Variants in CEP112 observed in about 807,000 individuals in gnomAD.
The protein encoded by CEP112 is centrosomal protein 112.
A neutral mutation model predicts 153.0 loss-of-function variants in CEP112; 127 were observed. The ratio of observed to expected loss-of-function variants is 0.83; its 90% CI spans 0.72 to 0.96. CEP112 has a LOEUF of 0.96. CEP112 is among the 40% of genes least tolerant of loss of function. The probability of loss-of-function intolerance (pLI) is 0.00; values close to 1 mark genes in which losing one functional copy is unlikely to be tolerated. For missense variants in CEP112, 1,089 were observed against 1,101.2 expected (o/e 0.99, Z 0.16); for synonymous variants, 358 against 374.4 (o/e 0.96, Z 0.51).
At chr17:65,748,962 G>A (rs555393911) in intron 22 of CEP112, among the ~76,000 whole-genome samples, 3 of 152,262 alleles carry the variant, frequency 2.0e-5, no homozygotes, top group African/African-American at 7.2e-5. Flanking sequence ...GAAATAAGCA[G>A]GATGTTAGGA....
At chr17:66,183,367 G>T (rs868706956) in intron 1 of CEP112, 60 bp from the exon 2 acceptor site, 2 of 1,170,138 alleles carry the variant, frequency 1.7e-6, no homozygotes, top group South Asian at 1.4e-5. Flanking sequence ...ACAAAACTCT[G>T]ATGAGAAAGA....
chr17:66,051,061 C>T (rs1213191201), intron 12 of CEP112, among the ~76,000 whole-genome samples: 1 of 152,048 alleles, frequency 6.6e-6, no homozygotes, highest in African/African-American at 2.4e-5. Context: ...CTCACTGCAA[C>T]CTTGACCTAA....
chr17:65,679,317 A>C (rs953465167), intron 24 of CEP112, among the ~76,000 whole-genome samples: 25 of 151,884 alleles, frequency 1.6e-4, no homozygotes, highest in African/African-American at 5.6e-4. Flanking sequence ...CATGGGAACA[A>C]AAGAATTAGT....
chr17:65,942,209 C>G (rs1188465763), intron 18 of CEP112, among the ~76,000 whole-genome samples: 2 of 152,024 alleles, frequency 1.3e-5, no homozygotes, highest in Non-Finnish European at 2.9e-5. Flanking sequence ...AGCGTGAACC[C>G]TATTGTGAAC....
intron 21 of CEP112, among the ~76,000 whole-genome samples, chr17:65,836,167 T>C: frequency 6.6e-6 from 1 of 152,096 alleles, no homozygotes; most frequent in East Asian, 1.9e-4. Flanking sequence ...TAGCATAGAA[T>C]CGAAACATAC....
chr17:66,052,933 C>A (rs1426748416), intron 12 of CEP112, among the ~76,000 whole-genome samples: 2 of 151,754 alleles, frequency 1.3e-5, no homozygotes, highest in Non-Finnish European at 2.9e-5. Context: ...ATGGCGGAAC[C>A]CTGTCTCTAC....
chr17:65,686,419 A>C (rs1189170351), intron 24 of CEP112, among the ~76,000 whole-genome samples: 1 of 152,170 alleles, frequency 6.6e-6, no homozygotes, highest in Non-Finnish European at 1.5e-5. Flanking sequence ...CCTACTCTCA[A>C]TATATTATGG....
At chr17:66,052,570 G>T (rs1352424670) in intron 12 of CEP112, among the ~76,000 whole-genome samples, 1 of 152,044 alleles carries the variant, frequency 6.6e-6, no homozygotes, top group Admixed American at 6.6e-5. Context: ...AGTGTCACAG[G>T]TCTCTCTGCT....
At chr17:65,738,963 A>G (rs547228352) in intron 23 of CEP112, among the ~76,000 whole-genome samples, 3 of 152,296 alleles carry the variant, frequency 2.0e-5, no homozygotes, top group East Asian at 3.9e-4. Context: ...GGCTGGCCCT[A>G]TGACCTATCT....
chr17:65,998,297 C>G (rs185993763), intron 17 of CEP112, among the ~76,000 whole-genome samples: 1 of 144,604 alleles, frequency 6.9e-6, no homozygotes, highest in African/African-American at 2.6e-5. Flanking sequence ...GTGGGAGGAT[C>G]GCTTGAGCTT....
At chr17:65,640,317 C>A (rs1479228288) in intron 25 of CEP112, among the ~76,000 whole-genome samples, 3 of 151,640 alleles carry the variant, frequency 2.0e-5, no homozygotes, top group African/African-American at 7.3e-5. Context: ...CCACGCCCCG[C>A]TAATTTTTGT....
chr17:66,000,906 C>A (rs544592218), intron 17 of CEP112, among the ~76,000 whole-genome samples: 1 of 152,318 alleles, frequency 6.6e-6, no homozygotes, highest in East Asian at 1.9e-4. Flanking sequence ...AGCTATCTGG[C>A]ATGGGCTGAT....
At chr17:65,687,291 T>G (rs2047853486) in intron 24 of CEP112, among the ~76,000 whole-genome samples, 1 of 149,882 alleles carries the variant, frequency 6.7e-6, no homozygotes, top group Non-Finnish European at 1.5e-5. Flanking sequence ...CTCAGCCTCC[T>G]GAGTAGCTAG....
At chr17:66,107,102 T>C (rs2068815565) in intron 6 of CEP112, among the ~76,000 whole-genome samples, 1 of 152,128 alleles carries the variant, frequency 6.6e-6, no homozygotes, top group Non-Finnish European at 1.5e-5. Context: ...CGTCCCTTCA[T>C]GATAAAAACC....
At chr17:66,001,862 T>C (rs891968618) in intron 17 of CEP112, among the ~76,000 whole-genome samples, 3 of 152,182 alleles carry the variant, frequency 2.0e-5, no homozygotes, top group Admixed American at 2.0e-4. Context: ...CTTTAATTAC[T>C]TATCTTTGAA....
rs79781034 is a variant in CEP112 at position 65,635,990 on chromosome 17, C to A, written c.2865-16G>T. On this transcript the variant is annotated splice_polypyrimidine_tract_variant and intron_variant, in intron 26 of 26. Coordinates refer to ENST00000535342, the MANE Select transcript of CEP112 (RefSeq NM_001199165.4). Reference sequence around the variant, plus strand: ...GTGCAGTTACCTGTAAACCAAAAATCGCAGTCACGACTTTCTCTAGGTTTA... The same window carrying A: ...GTGCAGTTACCTGTAAACCAAAAATAGCAGTCACGACTTTCTCTAGGTTTA... 4.1e-4 allele frequency: 659 copies of A among 1,597,584 alleles called. 2 individuals are homozygous for A. In the African/African-American group the frequency reaches 7.9e-3, roughly 19 times the overall value.
At chr17:65,861,282 G>T (rs1372612140) in intron 20 of CEP112, among the ~76,000 whole-genome samples, 1 of 152,184 alleles carries the variant, frequency 6.6e-6, no homozygotes, top group Non-Finnish European at 1.5e-5. Context: ...TTTTAAATCA[G>T]TTCTTAGTGG....
At chr17:66,050,066 C>T (rs1207174352) in intron 12 of CEP112, among the ~76,000 whole-genome samples, 2 of 152,022 alleles carry the variant, frequency 1.3e-5, no homozygotes, top group Non-Finnish European at 2.9e-5. Flanking sequence ...TAACTAGAGA[C>T]ATTATAGTGA....
chr17:66,061,087 T>A (rs562466568), intron 11 of CEP112, among the ~76,000 whole-genome samples: 2 of 151,852 alleles, frequency 1.3e-5, no homozygotes, highest in African/African-American at 4.8e-5. Context: ...ATTCTGATGA[T>A]TAAAAAATAA....
Sources: allele counts gnomAD v4.1 joint callset (sites outside exome capture counted in the v4.1 genomes callset), GRCh38; gene constraint gnomAD v4.1.1; transcripts MANE v1.5; gene names NCBI Gene and HGNC (gene_info 2026-07-23, HGNC 2026-07-21).